Variants in HDAC9 observed in about 807,000 individuals in gnomAD.
The protein encoded by HDAC9 is histone deacetylase 9, also known as MEF-2 interacting transcription repressor (MITR) protein.
Under a neutral mutation model 139.4 loss-of-function variants are expected in HDAC9, and 41 were observed. That is an observed-to-expected ratio of 0.29 (90% CI 0.23 to 0.38). The LOEUF is 0.38. HDAC9 is among the 10% of genes least tolerant of loss of function. The pLI is 1.00. For synonymous variants in HDAC9, 517 were observed against 476.2 expected, an observed-to-expected ratio of 1.09 and a Z score of -1.12; for missense variants, 1,147 against 1,297.0, an observed-to-expected ratio of 0.88 and a Z score of 1.78.
chr7:18,376,967 A>G (rs917387626), intron 1 of HDAC9, among the ~76,000 whole-genome samples: 2 of 152,078 alleles, frequency 1.3e-5, no homozygotes, highest in African/African-American at 4.8e-5. Context: ...ATGGTTTTTT[A>G]AAGGGAACAA....
chr7:18,412,932 A>C (rs1788709018), intron 1 of HDAC9, among the ~76,000 whole-genome samples: 1 of 152,220 alleles, frequency 6.6e-6, no homozygotes, highest in Non-Finnish European at 1.5e-5. Context: ...TTTAGAAATT[A>C]GTGGAATATG....
chr7:18,339,473 T>G (rs1781832942), intron 1 of HDAC9, among the ~76,000 whole-genome samples: 1 of 151,422 alleles, frequency 6.6e-6, no homozygotes, highest in Admixed American at 6.6e-5. Context: ...TTTTCATTGT[T>G]TAAAATATTT....
intron 1 of HDAC9, among the ~76,000 whole-genome samples, chr7:18,442,597 C>T (rs1791891646): frequency 6.6e-6 from 1 of 152,188 alleles, no homozygotes; most frequent in Non-Finnish European, 1.5e-5. Context: ...GTCTGAAATA[C>T]TGTACTACAG....
chr7:18,908,088 A>G (rs1802423634), intron 22 of HDAC9, among the ~76,000 whole-genome samples: 1 of 152,126 alleles, frequency 6.6e-6, no homozygotes, highest in African/African-American at 2.4e-5. Context: ...TGGAATAGTT[A>G]GTTAATTTGA....
chr7:18,842,282 A>G (rs928700532), intron 21 of HDAC9, among the ~76,000 whole-genome samples: 4 of 152,100 alleles, frequency 2.6e-5, no homozygotes, highest in African/African-American at 7.2e-5. Flanking sequence ...ATTTGCCAAT[A>G]TGAAATACTG....
chr7:18,191,693 A>G (rs866849284), intron 2 of HDAC9, among the ~76,000 whole-genome samples: 2 of 152,330 alleles, frequency 1.3e-5, no homozygotes, highest in African/African-American at 4.8e-5. Flanking sequence ...CAAGATGACA[A>G]TGAATTTAAT....
At chr7:18,718,096 CA>C (rs1027081903) in intron 12 of HDAC9, among the ~76,000 whole-genome samples, 62 of 152,144 alleles carry the variant, frequency 4.1e-4, no homozygotes, top group African/African-American at 1.5e-3. Flanking sequence ...CATCACCGCC[CA>C]AAAGAAACTG....
chr7:18,810,254 A>G (rs1350323723), intron 17 of HDAC9, among the ~76,000 whole-genome samples: 1 of 151,908 alleles, frequency 6.6e-6, no homozygotes, highest in Admixed American at 6.6e-5. Flanking sequence ...GGAAAACACA[A>G]GATTTTATTG....
chr7:18,498,669 G>A (rs1408497407), intron 2 of HDAC9, among the ~76,000 whole-genome samples: 5 of 152,034 alleles, frequency 3.3e-5, no homozygotes, highest in South Asian at 2.1e-4. Flanking sequence ...AGAGAGCACT[G>A]TTCTAGGAGT....
chr7:18,464,087 A>G (rs545494785), intron 1 of HDAC9, among the ~76,000 whole-genome samples: 34 of 151,984 alleles, frequency 2.2e-4, no homozygotes, highest in African/African-American at 7.2e-4. Context: ...TTTGACTTTT[A>G]TTTTAAACAT....
At chr7:18,208,883 T>A (rs778575849) in intron 2 of HDAC9, among the ~76,000 whole-genome samples, 1 of 152,314 alleles carries the variant, frequency 6.6e-6, no homozygotes, top group African/African-American at 2.4e-5. Flanking sequence ...GAAATAATAA[T>A]TGAGTCAGGA....
At chr7:18,414,469 A>G (rs1314683189) in intron 1 of HDAC9, among the ~76,000 whole-genome samples, 1 of 151,968 alleles carries the variant, frequency 6.6e-6, no homozygotes, top group Non-Finnish European at 1.5e-5. Context: ...CAGCCTAACT[A>G]CAAGGACATA....
chr7:18,312,730 G>A (rs1434065902), intron 1 of HDAC9, among the ~76,000 whole-genome samples: 1 of 152,106 alleles, frequency 6.6e-6, no homozygotes, highest in Admixed American at 6.6e-5. Flanking sequence ...GAAGTTGCTT[G>A]ATCTCAGTTT....
At chr7:18,402,563 C>T (rs934265560) in intron 1 of HDAC9, among the ~76,000 whole-genome samples, 12 of 152,078 alleles carry the variant, frequency 7.9e-5, no homozygotes, top group African/African-American at 2.7e-4. Context: ...GTTTTGATTG[C>T]CAAGCTAAGG....
intron 22 of HDAC9, among the ~76,000 whole-genome samples, chr7:18,899,975 G>T (rs1301189684): frequency 2.6e-5 from 4 of 152,022 alleles, no homozygotes; most frequent in Non-Finnish European, 5.9e-5. Flanking sequence ...ACAGAAAGAT[G>T]ATAGATTTCT....
intron 24 of HDAC9, among the ~76,000 whole-genome samples, chr7:18,965,844 C>T (rs952561522): frequency 1.3e-5 from 2 of 152,148 alleles, no homozygotes; most frequent in Non-Finnish European, 2.9e-5. Context: ...CATGCTGGTT[C>T]TGGTGAATGG....
chr7:18,302,119 T>C (rs979722656), intron 1 of HDAC9, among the ~76,000 whole-genome samples: 2 of 152,172 alleles, frequency 1.3e-5, no homozygotes, highest in Non-Finnish European at 2.9e-5. Context: ...AGTTTAAGGG[T>C]GCAAGTCATA....
chr7:18,469,204 T>A (rs1794537776), intron 1 of HDAC9, among the ~76,000 whole-genome samples: 1 of 152,210 alleles, frequency 6.6e-6, no homozygotes, highest in Non-Finnish European at 1.5e-5. Flanking sequence ...CCTATGTATG[T>A]GTATGTGATT....
chr7:18,712,617 C>T (rs989754859), intron 12 of HDAC9, among the ~76,000 whole-genome samples: 4 of 152,152 alleles, frequency 2.6e-5, no homozygotes, highest in African/African-American at 9.7e-5. Flanking sequence ...AAGAACCAAG[C>T]AGAGGATAAA....
Sources: gnomAD v4.1 joint callset for allele counts (sites outside exome capture counted in the v4.1 genomes callset) on GRCh38, gnomAD v4.1.1 for gene constraint, MANE v1.5 for transcripts, NCBI Gene and HGNC (gene_info 2026-07-23, HGNC 2026-07-21) for gene names.